Variants in TENM2 observed in about 807,000 individuals in gnomAD.
TENM2 encodes teneurin-2.
In TENM2, 52 loss-of-function variants were observed where a neutral mutation model predicts 245.2. The observed-to-expected ratio is 0.21, with a 90% CI of 0.17 to 0.27. The LOEUF is 0.27. TENM2 is among the 10% of genes least tolerant of loss of function. TENM2 has a pLI of 1.00. For synonymous variants in TENM2, 1,363 were observed against 1,438.9 expected (o/e 0.95, Z 1.19); for missense variants, 3,046 against 3,666.8 (o/e 0.83, Z 4.37).
the TENM2 span, among the ~76,000 whole-genome samples, chr5:167,172,613 C>CT: frequency 0.022 from 3,361 of 150,056 alleles, 115 homozygotes; most frequent in African/African-American, 0.077. Context: ...CTTTTTCTTT[C>CT]TCATTTTCAT....
intron 12 of TENM2, among the ~76,000 whole-genome samples, chr5:168,138,887 T>C (rs1270399805): frequency 6.6e-6 from 1 of 152,218 alleles, no homozygotes; most frequent in Non-Finnish European, 1.5e-5. Context: ...TCTGTGTGAA[T>C]ATCACCGAGG....
chr5:167,391,737 A>G (rs1761772296), intron 2 of TENM2, among the ~76,000 whole-genome samples: 1 of 151,666 alleles, frequency 6.6e-6, no homozygotes, highest in Non-Finnish European at 1.5e-5. Flanking sequence ...TTTGGGGCTT[A>G]TTCATTTTAG....
chr5:168,223,380 C>A (rs1763840374), intron 23 of TENM2, among the ~76,000 whole-genome samples: 1 of 152,076 alleles, frequency 6.6e-6, no homozygotes, highest in African/African-American at 2.4e-5. Context: ...CACCCCGTAT[C>A]CAAATACTTA....
At chr5:167,619,359 T>A (rs1778006337) in intron 2 of TENM2, among the ~76,000 whole-genome samples, 1 of 152,152 alleles carries the variant, frequency 6.6e-6, no homozygotes, top group Admixed American at 6.6e-5. Flanking sequence ...GGTTCCAGTC[T>A]TTGTCAGAGA....
intron 2 of TENM2, among the ~76,000 whole-genome samples, chr5:167,476,894 C>G (rs1435717788): frequency 2.0e-5 from 3 of 152,148 alleles, no homozygotes; most frequent in Admixed American, 6.5e-5. Context: ...CCACTGTGCC[C>G]AGCCAATAGC....
the TENM2 span, among the ~76,000 whole-genome samples, chr5:167,182,254 A>AT: frequency 6.3e-4 from 95 of 151,694 alleles, no homozygotes; most frequent in South Asian, 2.1e-3. Context: ...ATTTATAATG[A>AT]TTTTTTTTTC....
intron 2 of TENM2, among the ~76,000 whole-genome samples, chr5:167,419,493 A>G (rs1763364510): frequency 1.3e-5 from 2 of 152,166 alleles, no homozygotes; most frequent in Admixed American, 1.3e-4. Flanking sequence ...TAGATAGATA[A>G]TTGGGCAGAT....
At chr5:167,886,994 T>C (rs921716302) in intron 3 of TENM2, among the ~76,000 whole-genome samples, 1 of 152,152 alleles carries the variant, frequency 6.6e-6, no homozygotes, top group African/African-American at 2.4e-5. Context: ...GCTTTAGCTC[T>C]TTTTCCCAAC....
At chr5:168,041,420 G>T (rs1229862544) in intron 5 of TENM2, among the ~76,000 whole-genome samples, 1 of 151,934 alleles carries the variant, frequency 6.6e-6, no homozygotes, top group African/African-American at 2.4e-5. Context: ...CACCCTGCCC[G>T]TCCCTTCACC....
the TENM2 span, among the ~76,000 whole-genome samples, chr5:166,995,670 G>A: frequency 6.6e-6 from 1 of 151,462 alleles, no homozygotes; most frequent in African/African-American, 2.4e-5. Context: ...ACAAAAATTA[G>A]CCAGGCGTGG....
intron 2 of TENM2, among the ~76,000 whole-genome samples, chr5:167,552,105 A>T (rs1772985455): frequency 6.6e-6 from 1 of 152,226 alleles, no homozygotes. Context: ...AAGTGTCCTG[A>T]AAAGTATCTC....
chr5:167,987,640 G>T (rs1783349312), intron 4 of TENM2, among the ~76,000 whole-genome samples: 1 of 151,998 alleles, frequency 6.6e-6, no homozygotes. Flanking sequence ...CTTCTTAATC[G>T]ATATACTCCC....
intron 2 of TENM2, among the ~76,000 whole-genome samples, chr5:167,404,142 T>C (rs1220671780): frequency 6.6e-6 from 1 of 152,122 alleles, no homozygotes; most frequent in Non-Finnish European, 1.5e-5. Context: ...ATGTGCCATC[T>C]GTGCCTCTCC....
chr5:168,142,655 A>G (rs1342083507), intron 12 of TENM2, among the ~76,000 whole-genome samples: 1 of 152,202 alleles, frequency 6.6e-6, no homozygotes, highest in Non-Finnish European at 1.5e-5. Flanking sequence ...AGAGGCACAC[A>G]TGGCTGGGGG....
chr5:167,483,842 G>A (rs560666703), intron 2 of TENM2, among the ~76,000 whole-genome samples: 10 of 152,140 alleles, frequency 6.6e-5, no homozygotes, highest in African/African-American at 2.2e-4. Context: ...TTTATTTAAC[G>A]ATAAATTGAA....
At chr5:168,257,363 A>G (rs1456286687) in intron 27 of TENM2, among the ~76,000 whole-genome samples, 2 of 152,240 alleles carry the variant, frequency 1.3e-5, no homozygotes, top group South Asian at 2.1e-4. Context: ...CAAGAGAGGC[A>G]GAGGATACGT....
chr5:167,091,474 A>G, the TENM2 span, among the ~76,000 whole-genome samples: 6 of 152,178 alleles, frequency 3.9e-5, no homozygotes, highest in East Asian at 1.2e-3. Context: ...TTTGATGTCA[A>G]ATTGTAGGCA....
the TENM2 span, among the ~76,000 whole-genome samples, chr5:167,076,429 AT>A: frequency 2.0e-5 from 3 of 152,222 alleles, no homozygotes. Flanking sequence ...CAAAGCACAT[AT>A]TTTTCAATAT....
chr5:167,137,791 A>C, the TENM2 span, among the ~76,000 whole-genome samples: 1 of 152,184 alleles, frequency 6.6e-6, no homozygotes, highest in Non-Finnish European at 1.5e-5. Context: ...AACTGTGATC[A>C]TTTAGGCTAT....
Sources: gnomAD v4.1 joint callset for allele counts (sites outside exome capture counted in the v4.1 genomes callset) on GRCh38, gnomAD v4.1.1 for gene constraint, MANE v1.5 for transcripts, NCBI Gene and HGNC (gene_info 2026-07-23, HGNC 2026-07-21) for gene names.